The following SNX18 variants were observed in gnomAD, a reference collection of about 807,000 sequenced individuals.
SNX18 encodes sorting nexin 18.
SNX18 carries 35 observed loss-of-function variants against 48.7 expected under a neutral mutation model. The ratio of observed to expected loss-of-function variants is 0.72; its 90% CI spans 0.55 to 0.95. The LOEUF (loss-of-function observed/expected upper bound fraction) is 0.95. Ranked by LOEUF, SNX18 falls within the 40% of genes least tolerant of loss-of-function variation. SNX18 has a pLI of 0.00. For synonymous variants in SNX18, 492 were observed against 384.7 expected (o/e 1.28, Z -3.26); for missense variants, 824 against 871.0 (o/e 0.95, Z 0.68).
At chr5:54,541,103 A>G (rs577414461) in intron 1 of SNX18, among the ~76,000 whole-genome samples, 7 of 151,796 alleles carry the variant, frequency 4.6e-5, no homozygotes, top group Admixed American at 1.3e-4. Context: ...TCTCGGCGCA[A>G]TGCAACCTCT....
the SNX18 span, among the ~76,000 whole-genome samples, chr5:54,604,411 A>C: frequency 1.3e-5 from 2 of 152,362 alleles, no homozygotes; most frequent in East Asian, 1.9e-4. Context: ...TGATAAGTAC[A>C]TACAATGAAA....
rs2112831208 is a variant in SNX18, at chr5:54,518,381, C to T, written c.429C>T (p.Gly143=). The change falls in exon 1 of 2, where the codon GGC becomes GGT. Residue 143 remains glycine, a synonymous_variant. Coordinates refer to ENST00000381410, the MANE Select transcript of SNX18 (RefSeq NM_001102575.2). The part of the protein sequence containing the change: ...LQPSPQQLYG[G]YQASQGSDDD... ...CGTCGCCTCAGCAGCTCTACGGCGG[C>T]TACCAGGCCAGCCAAGGCAGCGATG... 1.3e-6 allele frequency: 2 copies of T among 1,572,416 alleles called. No individual in the cohort carries two copies. The highest frequency in any genetic ancestry group is 8.6e-7 in the Non-Finnish European group (1 of 1,160,606).
At chr5:54,594,900 C>T in the SNX18 span, among the ~76,000 whole-genome samples, 3 of 152,066 alleles carry the variant, frequency 2.0e-5, no homozygotes, top group East Asian at 1.9e-4. Context: ...TGTTTAGCTC[C>T]GTCTTATAAA....
At chr5:54,579,970 G>A in the SNX18 span, among the ~76,000 whole-genome samples, 2 of 151,942 alleles carry the variant, frequency 1.3e-5, no homozygotes, top group Non-Finnish European at 2.9e-5. Flanking sequence ...TTTGTCTGTT[G>A]TACCCAATAG....
At chr5:54,556,411 T>C in the SNX18 span, among the ~76,000 whole-genome samples, 4 of 152,140 alleles carry the variant, frequency 2.6e-5, no homozygotes, top group Non-Finnish European at 5.9e-5. Flanking sequence ...CTCCCCTCCA[T>C]CTTTAAAGTC....
At chr5:54,568,000 G>A in the SNX18 span, among the ~76,000 whole-genome samples, 1 of 152,224 alleles carries the variant, frequency 6.6e-6, no homozygotes. Flanking sequence ...CTTCTTCACT[G>A]ATGCACTACT....
intron 1 of SNX18, among the ~76,000 whole-genome samples, chr5:54,542,818 T>C (rs1762496821): frequency 6.6e-6 from 1 of 152,216 alleles, no homozygotes; most frequent in Non-Finnish European, 1.5e-5. Context: ...ATGTCACACC[T>C]TTTGAGCCTG....
chr5:54,534,579 T>C (rs1762315784), intron 1 of SNX18, among the ~76,000 whole-genome samples: 1 of 152,034 alleles, frequency 6.6e-6, no homozygotes, highest in Non-Finnish European at 1.5e-5. Context: ...TCTTTCTTTT[T>C]TTTTCCCCCT....
chr5:54,645,787 T>C, the SNX18 span: 59 of 152,356 alleles, frequency 3.9e-4, no homozygotes, highest in African/African-American at 1.4e-3. Flanking sequence ...TAGAGTTCAT[T>C]GATCACTAGT....
At chr5:54,585,197 T>C in the SNX18 span, among the ~76,000 whole-genome samples, 1 of 150,424 alleles carries the variant, frequency 6.6e-6, no homozygotes, top group Non-Finnish European at 1.5e-5. Flanking sequence ...GAGGCTGAGG[T>C]GGGAAGATTG....
chr5:54,634,895 T>C, the SNX18 span, among the ~76,000 whole-genome samples: 1 of 151,732 alleles, frequency 6.6e-6, no homozygotes, highest in Admixed American at 6.6e-5. Context: ...CTTGTTTCAG[T>C]GCACTGGAAA....
the SNX18 span, among the ~76,000 whole-genome samples, chr5:54,603,843 G>A: frequency 1.3e-5 from 2 of 152,206 alleles, no homozygotes; most frequent in African/African-American, 4.8e-5. Context: ...GGACAAGGAT[G>A]TATTGAGTAC....
chr5:54,588,979 T>G, the SNX18 span, among the ~76,000 whole-genome samples: 1 of 152,256 alleles, frequency 6.6e-6, no homozygotes, highest in Non-Finnish European at 1.5e-5. Flanking sequence ...AGCTCTGGAC[T>G]GTTTATATAA....
chr5:54,540,972 G>A (rs761739872), intron 1 of SNX18, among the ~76,000 whole-genome samples: 1 of 151,952 alleles, frequency 6.6e-6, no homozygotes, highest in East Asian at 1.9e-4. Flanking sequence ...CAGTCTTTCT[G>A]AATTTTTTTT....
the SNX18 span, among the ~76,000 whole-genome samples, chr5:54,615,479 C>T: frequency 2.7e-4 from 41 of 152,304 alleles, 1 homozygote; most frequent in African/African-American, 9.4e-4. Context: ...CTACCCTTGC[C>T]CCCTCACTTC....
intron 1 of SNX18, chr5:54,520,066 A>C: frequency 2.2e-6 from 1 of 449,074 alleles, no homozygotes; most frequent in Non-Finnish European, 4.1e-6. Context: ...AGGAATTAAG[A>C]TCAATTCTCT....
At chr5:54,532,551 G>A (rs1762269019) in intron 1 of SNX18, among the ~76,000 whole-genome samples, 1 of 152,046 alleles carries the variant, frequency 6.6e-6, no homozygotes, top group South Asian at 2.1e-4. Flanking sequence ...TTTAAGAAAA[G>A]AAACAATACA....
In SNX18 at chr5:54,519,705, G is replaced by A. The variant is rs575870397; in HGVS notation, c.1621+132G>A. On this transcript the variant is annotated intron_variant, in intron 1 of 1. Transcript: ENST00000381410. ...TGAGGAAGCGAGCAGAGACGTGGAC[G>A]CCTGGGTCTTTTCCCTAGAGTGTAA... The A allele has an allele frequency of 2.8e-5, 46 of 1,614,206 alleles. 1 individual carries two copies. In the South Asian group the frequency reaches 4.7e-4, roughly 17 times the overall value.
chr5:54,529,039 G>A (rs1037127433), intron 1 of SNX18, among the ~76,000 whole-genome samples: 6 of 152,198 alleles, frequency 3.9e-5, no homozygotes, highest in African/African-American at 1.2e-4. Context: ...AAACACGGAA[G>A]ATCAAATGGG....
Sources: gnomAD v4.1 joint callset for allele counts (sites outside exome capture counted in the v4.1 genomes callset) on GRCh38, gnomAD v4.1.1 for gene constraint, MANE v1.5 for transcripts, NCBI Gene and HGNC (gene_info 2026-07-23, HGNC 2026-07-21) for gene names.